SYT7: variants seen among roughly 807,000 people sequenced by gnomAD.
SYT7 encodes synaptotagmin 7.
A neutral mutation model predicts 75.1 loss-of-function variants in SYT7; 29 were observed. The ratio of observed to expected loss-of-function variants is 0.39; its 90% CI spans 0.29 to 0.53. The LOEUF (loss-of-function observed/expected upper bound fraction) is 0.53. SYT7 is among the 20% of genes least tolerant of loss of function. The pLI is 0.77. For synonymous variants in SYT7, 376 were observed against 401.7 expected (o/e 0.94, Z 0.76); for missense variants, 693 against 953.2 (o/e 0.73, Z 3.59).
At chr11:61,581,829 C>A (rs2064282654), upstream of SYT7, among the ~76,000 whole-genome samples, 1 of 152,186 alleles carries the variant, frequency 6.6e-6, no homozygotes. Flanking sequence ...CCTAGCACTT[C>A]GGAGGGTAGG....
chr11:61,518,934 C>T (rs2062224784), intron 12 of SYT7, among the ~76,000 whole-genome samples: 1 of 152,240 alleles, frequency 6.6e-6, no homozygotes, highest in Non-Finnish European at 1.5e-5. Flanking sequence ...TCTACCCCCA[C>T]ACCCCCAAGC....
intron 1 of SYT7, among the ~76,000 whole-genome samples, chr11:61,575,488 A>G (rs2064046116): frequency 6.6e-6 from 1 of 152,200 alleles, no homozygotes; most frequent in Non-Finnish European, 1.5e-5. Flanking sequence ...ACATACTAAC[A>G]GCCCCACACC....
At position 61,523,004 on chromosome 11, in the gene SYT7, C is replaced by T. The variant is rs565275265; in HGVS notation, c.1956+71G>A. On this transcript the variant is annotated intron_variant, in intron 12 of 12. Transcript: ENST00000539008. This position sits in a 1 kb window ranked among gnomAD's most constrained non-coding sequence, Gnocchi z 5.0. Reference sequence around the variant, plus strand: ...CCAGCCTGTGCCCGTCCACTACCCCCGCTGCTTCTTTTAAGGAACGGAGCC... The same window carrying T: ...CCAGCCTGTGCCCGTCCACTACCCCTGCTGCTTCTTTTAAGGAACGGAGCC... 117 of 1,531,278 alleles carry T rather than the reference C, an allele frequency of 7.6e-5. No homozygotes were observed. The East Asian group carries it at 8.3e-4, about 11-fold the overall frequency. 94.9% of individuals were successfully genotyped at this position (1,531,278 alleles called of 1,614,324 possible). A position where few individuals can be genotyped will look rare whatever the true frequency, so the allele number is the denominator to read the frequency against.
In SYT7 at chr11:61,523,842, T is replaced by C; in HGVS notation, c.1741A>G (p.Ile581Val). 6.2e-7 allele frequency: 1 copy of C among 1,613,970 alleles called. No homozygotes were observed. Among genetic ancestry groups the C allele is most frequent in the Non-Finnish European group, 8.5e-7 (1 of 1,179,924 alleles). ...AGCCCCGTACCTGATGTGCCCCCGA[T>C]GTCCATGGCTTTGAGGTTCCGGGCT... ...IKARNLKAMDIGGTSDPYVKV... is the reference protein window; with the variant it reads ...IKARNLKAMDVGGTSDPYVKV... Residue 581 changes from isoleucine (I) to valine (V), a missense_variant, in exon 11 of 13, where the codon ATC becomes GTC. Ile to Val is a conservative substitution (Grantham distance 29). Around this residue, in one of 2 missense-constraint regions of SYT7, gnomAD observed 206 missense variants for 360.0 expected, o/e 0.57. Coordinates refer to ENST00000539008, the MANE Select transcript of SYT7 (RefSeq NM_001365809.2). This position sits in a 1 kb window ranked among gnomAD's most constrained non-coding sequence, Gnocchi z 5.0.
At chr11:61,564,374 C>G (rs188247762) in intron 1 of SYT7, among the ~76,000 whole-genome samples, 1 of 152,340 alleles carries the variant, frequency 6.6e-6, no homozygotes, top group East Asian at 1.9e-4. Flanking sequence ...ATTGACAGGT[C>G]CCAGGCCACT....
upstream of SYT7, among the ~76,000 whole-genome samples, chr11:61,581,939 T>G (rs765490103): frequency 1.3e-5 from 2 of 152,158 alleles, no homozygotes; most frequent in Non-Finnish European, 2.9e-5. Context: ...CACTCATTTC[T>G]CTACAGAATT....
chr11:61,534,231 G>A (rs2062796542), intron 7 of SYT7, among the ~76,000 whole-genome samples: 2 of 152,170 alleles, frequency 1.3e-5, no homozygotes, highest in Non-Finnish European at 2.9e-5. Context: ...ACACGCTGAG[G>A]GTGGACATGA....
chr11:61,529,860 C>T (rs936243131), intron 8 of SYT7, among the ~76,000 whole-genome samples: 5 of 152,178 alleles, frequency 3.3e-5, no homozygotes, highest in African/African-American at 1.2e-4. Context: ...GTCTCTAATT[C>T]CTGGCCACAA....
chr11:61,531,171 G>A (rs1164802404), intron 8 of SYT7: 3 of 978,492 alleles, frequency 3.1e-6, no homozygotes, highest in African/African-American at 1.8e-5. Context: ...TAACATCAAC[G>A]ACCTAGCATT....
Position 61,533,058 on chromosome 11 carries a change from G to A in SYT7, c.1131C>T (p.Ser377=), listed in dbSNP as rs765641562. 1.1e-5 allele frequency: 17 copies of A among 1,613,104 alleles called. No homozygotes were observed. The highest frequency in any genetic ancestry group is 5.3e-5 in the African/African-American group (4 of 74,936). The change falls in exon 8 of 13, where the codon TCC becomes TCT. Residue 377 remains serine (S), a synonymous_variant. Transcript: ENST00000539008. The part of the protein sequence containing the change: ...PVPGQTPHDE[S]DRRTEPRSSV... ...AGGAACGTGGCTCGGTCCGGCGGTC[G>A]GACTCATCGTGGGGTGTCTGGCCTG...
At position 61,514,820 on chromosome 11, in the gene SYT7, C is replaced by T. The variant is rs1475008552; in HGVS notation, c.*3807G>A. 2.6e-5 allele frequency among the ~76,000 whole-genome samples: 4 copies of T among 152,210 alleles called. No homozygotes were observed. The South Asian group carries it at 6.2e-4, about 24-fold the overall frequency. On this transcript the variant is annotated 3_prime_UTR_variant, in exon 13 of 13. Transcript: ENST00000539008. The stretch of plus-strand genomic sequence containing the variant: ...GGGCTGAGAGAAGCCGCAGGTCCAG[C>T]CAACAGACACAGAGCTCATTGTCTT...
rs191120111 is a variant in SYT7, at chr11:61,562,075, C to T, written c.32-5868G>A. On this transcript the variant is annotated intron_variant, in intron 1 of 12. Transcript: ENST00000539008. The stretch of plus-strand genomic sequence containing the variant: ...ACACACACACACACACACGCACGCA[C>T]GTACACACACACACATACACTAGGA... 3.1e-3 allele frequency among the ~76,000 whole-genome samples: 474 copies of T among 152,032 alleles called. 6 individuals are homozygous for T. In the South Asian group the frequency reaches 0.038, roughly 12 times the overall value.
chr11:61,522,005 C>T (rs976301565), intron 12 of SYT7, among the ~76,000 whole-genome samples: 2 of 152,054 alleles, frequency 1.3e-5, no homozygotes, highest in Non-Finnish European at 2.9e-5. Flanking sequence ...TAAAAAGTAA[C>T]GCTAGGATTT....
At position 61,523,709 on chromosome 11, in the gene SYT7, C is replaced by T. The variant is rs1188034082; in HGVS notation, c.1756+118G>A. 4.3e-5 allele frequency: 44 copies of T among 1,020,050 alleles called. No individual in the cohort carries two copies. Among genetic ancestry groups the T allele is most frequent in the African/African-American group, 2.7e-4 (17 of 62,780 alleles). 63.2% of individuals were successfully genotyped at this position (1,020,050 alleles called of 1,614,324 possible). A position where few individuals can be genotyped will look rare whatever the true frequency, so the allele number is the denominator to read the frequency against. On this transcript the variant is annotated intron_variant, in intron 11 of 12. Coordinates refer to ENST00000539008, the MANE Select transcript of SYT7 (RefSeq NM_001365809.2). The surrounding 1 kb of genome is among the most constrained non-coding windows in gnomAD (Gnocchi z 5.0). ...AGGGTAAGGAGTGAGGACTGGAGGT[C>T]GGGGTGTGGCGGGTTGGGGTGAGGA...
chr11:61,573,357 C>T (rs1279254740), intron 1 of SYT7, among the ~76,000 whole-genome samples: 1 of 152,210 alleles, frequency 6.6e-6, no homozygotes, highest in Non-Finnish European at 1.5e-5. Context: ...CCACCTGCAT[C>T]CGGCTACCCC....
rs1458354596 is a variant in SYT7, at chr11:61,580,829, C to G, written c.-9G>C. On this transcript the variant is annotated 5_prime_UTR_variant, in exon 1 of 13. Coordinates refer to ENST00000539008, the MANE Select transcript of SYT7 (RefSeq NM_001365809.2). This position sits in a 1 kb window ranked among gnomAD's most constrained non-coding sequence, Gnocchi z 6.1. ...TCCGGGTCCCGGTACATGGTCCCCT[C>G]GTCGCCGGTTCCCTCCGGGCTCCTC... The G allele has an allele frequency of 2.6e-5, 33 of 1,264,728 alleles. No homozygotes were observed. In the African/African-American group the frequency reaches 4.1e-4, roughly 16 times the overall value. The allele number at this position is 1,264,728 out of a possible 1,614,324, so 78.3% of individuals were successfully genotyped here. A position where few individuals can be genotyped will look rare whatever the true frequency, so the allele number is the denominator to read the frequency against.
At chr11:61,559,900 C>G (rs1160779993) in intron 1 of SYT7, among the ~76,000 whole-genome samples, 1 of 152,134 alleles carries the variant, frequency 6.6e-6, no homozygotes, top group Non-Finnish European at 1.5e-5. Flanking sequence ...GGTTTGGGGT[C>G]TAGGAGAACT....
At chr11:61,538,361 G>GAGAGAA in intron 6 of SYT7, 95 bp from the exon 7 acceptor site, 1 of 780,700 alleles carries the variant, frequency 1.3e-6, no homozygotes, top group South Asian at 1.9e-5. Flanking sequence ...GAGAGAGAGA[G>GAGAGAA]AGAGAGAGAG....
At position 61,513,905 on chromosome 11, in the gene SYT7, G is replaced by A. The variant is rs996624593; in HGVS notation, c.*4722C>T. ...CTGGGGAGCCACGAGCTGGGGCATC[G>A]GCGTGCTCAAGGCTTGTCCTTCTGG... On this transcript the variant is annotated 3_prime_UTR_variant, in exon 13 of 13. Coordinates refer to ENST00000539008, the MANE Select transcript of SYT7 (RefSeq NM_001365809.2). Among the ~76,000 whole-genome samples the A allele has an allele frequency of 6.6e-5, 10 of 152,306 alleles. 1 individual carries two copies. The highest frequency in any genetic ancestry group is 3.9e-4 in the Admixed American group (6 of 15,292).
Sources: gnomAD v4.1 joint callset for allele counts (sites outside exome capture counted in the v4.1 genomes callset) on GRCh38, gnomAD v4.1.1 for gene constraint, gnomAD v4.1.1 regional missense constraint, Gnocchi (gnomAD v3.1) non-coding constraint, MANE v1.5 for transcripts, NCBI Gene and HGNC (gene_info 2026-07-23, HGNC 2026-07-21) for gene names.